Variants in ZNF362 observed in about 807,000 individuals in gnomAD.
ZNF362 encodes the protein rotund homolog.
A neutral mutation model predicts 42.9 loss-of-function variants in ZNF362; 11 were observed. The ratio of observed to expected loss-of-function variants is 0.26; its 90% CI spans 0.16 to 0.42. The LOEUF is 0.42. ZNF362 is among the 20% of genes least tolerant of loss of function. ZNF362 has a pLI of 1.00. For missense variants in ZNF362, 362 were observed against 576.2 expected (o/e 0.63, Z 3.81); for synonymous variants, 255 against 257.3 (o/e 0.99, Z 0.09).
chr1:33,165,514 G>C, the ZNF362 span: 2 of 1,610,598 alleles, frequency 1.2e-6, no homozygotes, highest in Non-Finnish European at 1.7e-6. The surrounding 1 kb of genome is among the most constrained non-coding windows in gnomAD (Gnocchi z 4.0). Context: ...CAGCGCTTCG[G>C]TGTGTTCCCG....
the ZNF362 span, among the ~76,000 whole-genome samples, chr1:33,187,974 G>A: frequency 6.6e-6 from 1 of 152,156 alleles, no homozygotes; most frequent in Non-Finnish European, 1.5e-5. Flanking sequence ...GATGGCTCAC[G>A]CCTGTAATCC....
chr1:33,276,105 C>T lies in ZNF362; in HGVS notation c.44C>T (p.Ala15Val). 1 of 1,614,024 alleles carries T rather than the reference C, an allele frequency of 6.2e-7. No individual in the cohort carries two copies. Among genetic ancestry groups the T allele is most frequent in the South Asian group, 1.1e-5 (1 of 91,084 alleles). ...CAGTCGCTCTCTTCCCGCAGGATGGCCGAGCCTCGATTTAACAACCCCTAC... is the reference window on the plus strand; with the variant it reads ...CAGTCGCTCTCTTCCCGCAGGATGGTCGAGCCTCGATTTAACAACCCCTAC... ...SPSGKGHSRM[A>V]EPRFNNPYFW... Residue 15 changes from alanine (A) to valine (V), a missense_variant, in exon 3 of 9, where the codon GCC becomes GTC. Physicochemically the swap from Ala to Val is moderately conservative, Grantham distance 64. Coordinates refer to ENST00000539719, the MANE Select transcript of ZNF362 (RefSeq NM_152493.3).
At chr1:33,283,051 A>C (rs953682073) in intron 6 of ZNF362, among the ~76,000 whole-genome samples, 30 of 152,126 alleles carry the variant, frequency 2.0e-4, no homozygotes, top group Non-Finnish European at 8.8e-5. Context: ...CAGGGATAAA[A>C]CTGGTTTTTG....
upstream of ZNF362, among the ~76,000 whole-genome samples, chr1:33,251,935 T>A (rs369365386): frequency 1.3e-5 from 2 of 152,234 alleles, no homozygotes; most frequent in African/African-American, 4.8e-5. Flanking sequence ...AGAGGAGCAC[T>A]GTATTTCCCA....
intron 2 of ZNF362, among the ~76,000 whole-genome samples, chr1:33,271,399 C>T (rs1034067287): frequency 4.6e-5 from 7 of 152,230 alleles, no homozygotes; most frequent in Non-Finnish European, 8.8e-5. Flanking sequence ...GCATCACCTC[C>T]CCTGGGAAGT....
At chr1:33,282,507 C>T (rs1370700214) in intron 6 of ZNF362, among the ~76,000 whole-genome samples, 2 of 152,156 alleles carry the variant, frequency 1.3e-5, no homozygotes, top group East Asian at 3.9e-4. Context: ...GAAAGGGAGA[C>T]TCAAAGCTAT....
chr1:33,203,663 T>C, the ZNF362 span, among the ~76,000 whole-genome samples: 1 of 152,286 alleles, frequency 6.6e-6, no homozygotes, highest in South Asian at 2.1e-4. Flanking sequence ...AATAACCATC[T>C]TAACAGGTGT....
chr1:33,275,650 C>T (rs562280958), intron 2 of ZNF362, among the ~76,000 whole-genome samples: 18 of 152,284 alleles, frequency 1.2e-4, no homozygotes, highest in African/African-American at 4.3e-4. Context: ...CTCAAGGGGT[C>T]AGGGGGCAGA....
the ZNF362 span, among the ~76,000 whole-genome samples, chr1:33,249,081 G>C: frequency 6.6e-6 from 1 of 152,264 alleles, no homozygotes; most frequent in Non-Finnish European, 1.5e-5. Flanking sequence ...AGATAAGTCT[G>C]TAAAAAAGGA....
chr1:33,130,790 G>A, the ZNF362 span, among the ~76,000 whole-genome samples: 2 of 152,244 alleles, frequency 1.3e-5, no homozygotes, highest in East Asian at 3.8e-4. Flanking sequence ...AGAGAAATTA[G>A]GAGAGGGTGG....
At chr1:33,158,475 A>G in the ZNF362 span, 2 of 819,756 alleles carry the variant, frequency 2.4e-6, no homozygotes, top group Non-Finnish European at 4.1e-6. Flanking sequence ...TGTGGTCATG[A>G]GTGAGAAGTC....
chr1:33,278,563 T>C (rs912519383), intron 4 of ZNF362, among the ~76,000 whole-genome samples: 2 of 152,200 alleles, frequency 1.3e-5, no homozygotes, highest in African/African-American at 4.8e-5. Context: ...ATAGACAAAG[T>C]ATGAAAATCT....
chr1:33,201,544 T>C, the ZNF362 span, among the ~76,000 whole-genome samples: 1 of 152,168 alleles, frequency 6.6e-6, no homozygotes, highest in African/African-American at 2.4e-5. Context: ...AAACAATCCA[T>C]GGGCTAAAGA....
the ZNF362 span, among the ~76,000 whole-genome samples, chr1:33,203,184 C>A: frequency 6.6e-6 from 1 of 151,812 alleles, no homozygotes; most frequent in East Asian, 1.9e-4. Context: ...TCTGACTTTT[C>A]TTTTTTTTGA....
the ZNF362 span, among the ~76,000 whole-genome samples, chr1:33,139,745 G>C: frequency 6.6e-6 from 1 of 152,290 alleles, no homozygotes; most frequent in African/African-American, 2.4e-5. Context: ...GCCTGTATTG[G>C]GCTGCTGGTG....
chr1:33,187,230 T>C, the ZNF362 span, among the ~76,000 whole-genome samples: 3 of 152,220 alleles, frequency 2.0e-5, no homozygotes, highest in African/African-American at 7.2e-5. Flanking sequence ...TACAGTCAGC[T>C]CTCTGTAGTT....
the ZNF362 span, among the ~76,000 whole-genome samples, chr1:33,215,359 G>C: frequency 6.6e-6 from 1 of 152,022 alleles, no homozygotes; most frequent in Admixed American, 6.6e-5. Context: ...GGAAGCTTGG[G>C]GTAGGGTGGG....
chr1:33,156,364 A>G, the ZNF362 span, among the ~76,000 whole-genome samples: 75 of 152,260 alleles, frequency 4.9e-4, no homozygotes, highest in African/African-American at 1.8e-3. Flanking sequence ...ACCAGCTCTC[A>G]TCAAGGCCAC....
At position 33,272,463 on chromosome 1, in the gene ZNF362, C is replaced by T. The variant is rs561084518; in HGVS notation, c.38+1851C>T. The stretch of plus-strand genomic sequence containing the variant: ...TCAGCAGGCCGTTTTCTGGAAGGGG[C>T]GTTTCGTTCATCCGCCCATCCACTG... On this transcript the variant is annotated intron_variant, in intron 2 of 8. Transcript: ENST00000539719. 1.8e-3 allele frequency among the ~76,000 whole-genome samples: 272 copies of T among 152,216 alleles called. 1 individual carries two copies. The highest frequency in any genetic ancestry group is 4.4e-4 in the Non-Finnish European group (30 of 68,000).
Sources: allele counts gnomAD v4.1 joint callset (sites outside exome capture counted in the v4.1 genomes callset), GRCh38; gene constraint gnomAD v4.1.1; non-coding constraint Gnocchi (gnomAD v3.1); transcripts MANE v1.5; gene names NCBI Gene and HGNC (gene_info 2026-07-23, HGNC 2026-07-21).